FAM185A: variants seen among roughly 807,000 people sequenced by gnomAD.
The protein encoded by FAM185A is family with sequence similarity 185 member A.
A neutral mutation model predicts 45.7 loss-of-function variants in FAM185A; 21 were observed. That is an observed-to-expected ratio of 0.46 (90% CI 0.33 to 0.66). FAM185A has a LOEUF of 0.66. FAM185A is among the 30% of genes least tolerant of loss of function. The pLI, the probability that FAM185A is intolerant of heterozygous loss-of-function variation, is 0.03. For missense variants in FAM185A, 305 were observed against 485.4 expected, an observed-to-expected ratio of 0.63 and a Z score of 3.49; for synonymous variants, 117 against 194.0, an observed-to-expected ratio of 0.60 and a Z score of 3.30.
the FAM185A span, among the ~76,000 whole-genome samples, chr7:102,825,273 G>T: frequency 2.3e-3 from 355 of 152,240 alleles, 1 homozygote; most frequent in Middle Eastern, 0.02. Flanking sequence ...GAGGTAATCG[G>T]GTCATGAAGG....
chr7:102,813,272 C>T (rs1443827616), downstream of FAM185A: 31 of 1,383,560 alleles, frequency 2.2e-5, 1 homozygote, highest in South Asian at 3.7e-4. Flanking sequence ...AGCTAGTAAA[C>T]ATACTTGCAA....
intron 5 of FAM185A, among the ~76,000 whole-genome samples, chr7:102,774,320 A>G (rs1453186401): frequency 3.3e-5 from 5 of 152,174 alleles, no homozygotes; most frequent in Non-Finnish European, 7.4e-5. Flanking sequence ...AATTTATTCT[A>G]ATAGTGGTTT....
chr7:102,838,635 A>G, the FAM185A span, among the ~76,000 whole-genome samples: 1 of 152,118 alleles, frequency 6.6e-6, no homozygotes, highest in Non-Finnish European at 1.5e-5. Context: ...CTGTAACTTT[A>G]GCCCCAACCT....
At chr7:102,765,429 T>C (rs997643929) in intron 4 of FAM185A, among the ~76,000 whole-genome samples, 6 of 152,212 alleles carry the variant, frequency 3.9e-5, no homozygotes, top group African/African-American at 1.4e-4. Flanking sequence ...CTTCTAAGTC[T>C]TCCATGAAAG....
chr7:102,827,278 A>C, the FAM185A span: 1 of 341,162 alleles, frequency 2.9e-6, no homozygotes, highest in Non-Finnish European at 6.5e-6. Context: ...ACCAGCTCTA[A>C]GGGGAGTCAA....
the FAM185A span, among the ~76,000 whole-genome samples, chr7:102,824,177 T>G: frequency 1.3e-5 from 2 of 152,212 alleles, no homozygotes; most frequent in African/African-American, 4.8e-5. Context: ...TGGAAACAAC[T>G]TTGCTGCATT....
chr7:102,796,209 T>C (rs1796430132), intron 7 of FAM185A, among the ~76,000 whole-genome samples: 1 of 152,182 alleles, frequency 6.6e-6, no homozygotes, highest in Non-Finnish European at 1.5e-5. Context: ...AGTTCCTGAC[T>C]GGGGGCCACA....
the FAM185A span, among the ~76,000 whole-genome samples, chr7:102,845,733 A>G: frequency 6.6e-6 from 1 of 152,152 alleles, no homozygotes; most frequent in African/African-American, 2.4e-5. Flanking sequence ...CCTGGACTAT[A>G]ACAAAAACCT....
chr7:102,801,437 T>G (rs944404911), intron 7 of FAM185A, among the ~76,000 whole-genome samples: 2 of 152,132 alleles, frequency 1.3e-5, no homozygotes, highest in African/African-American at 4.8e-5. Context: ...ACTTAAAAGA[T>G]AAGAACTGCA....
At chr7:102,849,575 T>A in the FAM185A span, among the ~76,000 whole-genome samples, 2 of 152,270 alleles carry the variant, frequency 1.3e-5, no homozygotes, top group Non-Finnish European at 2.9e-5. Flanking sequence ...GCATTCTTTA[T>A]AAAGTGCAGA....
chr7:102,784,316 C>A (rs1415499105), intron 6 of FAM185A, among the ~76,000 whole-genome samples: 1 of 151,704 alleles, frequency 6.6e-6, no homozygotes, highest in Non-Finnish European at 1.5e-5. Flanking sequence ...AAGAGGGAAT[C>A]CTTCCTAACT....
chr7:102,752,874 A>G (rs2539374), intron 2 of FAM185A, among the ~76,000 whole-genome samples: 16,466 of 147,468 alleles, frequency 0.11, 1,059 homozygotes, highest in Admixed American at 0.18. Flanking sequence ...AAAGCATGCA[A>G]TTTTGTTGAA....
At chr7:102,800,208 T>C (rs968774135) in intron 7 of FAM185A, among the ~76,000 whole-genome samples, 15 of 152,082 alleles carry the variant, frequency 9.9e-5, no homozygotes, top group Non-Finnish European at 1.9e-4. Flanking sequence ...GGGGATGGTA[T>C]TACATCAAGA....
intron 6 of FAM185A, among the ~76,000 whole-genome samples, chr7:102,782,989 G>T (rs1795505715): frequency 6.6e-6 from 1 of 151,228 alleles, no homozygotes; most frequent in Admixed American, 6.6e-5. Context: ...AAAAAGGCAG[G>T]GGTTGCAATC....
chr7:102,809,737 A>G (rs1797327959), downstream of FAM185A, among the ~76,000 whole-genome samples: 1 of 152,142 alleles, frequency 6.6e-6, no homozygotes, highest in Non-Finnish European at 1.5e-5. Flanking sequence ...TAAGTTATAT[A>G]ATACTATAAC....
At chr7:102,835,641 GCT>G in the FAM185A span, among the ~76,000 whole-genome samples, 1 of 99,088 alleles carries the variant, frequency 1.0e-5, no homozygotes, top group Non-Finnish European at 1.7e-5. Context: ...ACGGAGTCTC[GCT>G]CTGTCGCCCA....
intron 5 of FAM185A, among the ~76,000 whole-genome samples, chr7:102,774,167 C>T (rs1794917333): frequency 6.6e-6 from 1 of 151,908 alleles, no homozygotes; most frequent in Admixed American, 6.6e-5. Flanking sequence ...AGATCTGGCA[C>T]ATTTTTTTGT....
At chr7:102,830,813 G>A in the FAM185A span, among the ~76,000 whole-genome samples, 14 of 152,302 alleles carry the variant, frequency 9.2e-5, no homozygotes, top group African/African-American at 3.4e-4. Flanking sequence ...TGTAATTTCT[G>A]AGGATTTTCA....
At chr7:102,779,480 C>T (rs1795273863) in intron 6 of FAM185A, among the ~76,000 whole-genome samples, 2 of 152,202 alleles carry the variant, frequency 1.3e-5, no homozygotes, top group Non-Finnish European at 2.9e-5. Context: ...ACACTTGAAA[C>T]TTGATACATT....
Sources: allele counts gnomAD v4.1 joint callset (sites outside exome capture counted in the v4.1 genomes callset), GRCh38; gene constraint gnomAD v4.1.1; transcripts MANE v1.5; gene names NCBI Gene and HGNC (gene_info 2026-07-23, HGNC 2026-07-21).